Variants in RAPGEF2 observed in about 807,000 individuals in gnomAD.
The protein encoded by RAPGEF2 is PDZ domain containing guanine nucleotide exchange factor (GEF) 1.
Under a neutral mutation model 186.7 loss-of-function variants are expected in RAPGEF2, and 54 were observed. The ratio of observed to expected loss-of-function variants is 0.29; its 90% CI spans 0.23 to 0.36. The LOEUF is 0.36. RAPGEF2 is among the 10% of genes least tolerant of loss of function. RAPGEF2 has a pLI of 1.00. For missense variants in RAPGEF2, 1,532 were observed against 2,045.0 expected, an observed-to-expected ratio of 0.75 and a Z score of 4.84; for synonymous variants, 712 against 705.9, an observed-to-expected ratio of 1.01 and a Z score of -0.14.
chr4:159,177,974 T>G (rs1178250999), intron 1 of RAPGEF2, among the ~76,000 whole-genome samples: 1 of 152,188 alleles, frequency 6.6e-6, no homozygotes, highest in African/African-American at 2.4e-5. Flanking sequence ...AGCAAGATGC[T>G]CCTTTCTCTT....
Position 159,331,955 on chromosome 4 carries a change from A to T in RAPGEF2, c.1809A>T (p.Glu603Asp). 6.2e-7 allele frequency: 1 copy of T among 1,607,984 alleles called. No homozygotes were observed. Among genetic ancestry groups the T allele is most frequent in the Non-Finnish European group, 8.5e-7 (1 of 1,178,390 alleles). ...QILEVNGQNF[E>D]NIQLSKAMEI... is the part of the protein sequence containing the mutation. ...TAGAAGTAAATGGCCAAAACTTTGA[A>T]AACATTCAGCTGTCAAAAGCTATGG... The change falls in exon 16 of 30, where the codon GAA (glutamate) becomes GAT (aspartate). Residue 603 changes from glutamate (E) to aspartate (D), a missense_variant. By Grantham distance (45) the Glu-to-Asp change is conservative. Around this residue, in one of 4 missense-constraint regions of RAPGEF2, gnomAD observed 810 missense variants for 1,210.5 expected, o/e 0.67. Transcript: ENST00000691494.
chr4:159,246,702 A>C (rs1385265208), intron 7 of RAPGEF2, among the ~76,000 whole-genome samples: 1 of 152,108 alleles, frequency 6.6e-6, no homozygotes, highest in African/African-American at 2.4e-5. Flanking sequence ...TTCTGACTTG[A>C]GTTATGTTCT....
At chr4:159,315,854 G>A (rs1309840747) in intron 9 of RAPGEF2, among the ~76,000 whole-genome samples, 1 of 152,190 alleles carries the variant, frequency 6.6e-6, no homozygotes, top group East Asian at 1.9e-4. Context: ...CATGAAGACG[G>A]ACTAGGAGCG....
chr4:159,186,568 G>T, intron 1 of RAPGEF2, 74 bp from the exon 2 acceptor site: 1 of 693,958 alleles, frequency 1.4e-6, no homozygotes, highest in Non-Finnish European at 2.3e-6. Flanking sequence ...TTGGTTTGTA[G>T]ATACAGTGTG....
intron 1 of RAPGEF2, among the ~76,000 whole-genome samples, chr4:159,175,320 T>C (rs2111259309): frequency 6.6e-6 from 1 of 152,242 alleles, no homozygotes; most frequent in Admixed American, 6.5e-5. Context: ...AACCATACAC[T>C]CTGCTATGGA....
chr4:159,347,684 C>T (rs1040663980), intron 25 of RAPGEF2, among the ~76,000 whole-genome samples: 13 of 151,898 alleles, frequency 8.6e-5, no homozygotes, highest in South Asian at 2.1e-4. Flanking sequence ...CTCGGGAGGC[C>T]GAGGCAGGAG....
At chr4:159,112,080 G>T (rs1429240699) in intron 1 of RAPGEF2, among the ~76,000 whole-genome samples, 1 of 152,162 alleles carries the variant, frequency 6.6e-6, no homozygotes, top group African/African-American at 2.4e-5. Context: ...TACAGTATAT[G>T]GCCTTTGGAG....
At chr4:159,284,535 C>T (rs1050648390) in intron 7 of RAPGEF2, among the ~76,000 whole-genome samples, 2 of 130,556 alleles carry the variant, frequency 1.5e-5, no homozygotes, top group Non-Finnish European at 3.3e-5. Flanking sequence ...CACACACACA[C>T]GAATTGTAAA....
At chr4:159,140,894 C>T (rs899763233) in intron 1 of RAPGEF2, among the ~76,000 whole-genome samples, 4 of 151,270 alleles carry the variant, frequency 2.6e-5, no homozygotes, top group South Asian at 4.2e-4. Flanking sequence ...TGTAGTGGCG[C>T]GATCTCAGCT....
intron 9 of RAPGEF2, among the ~76,000 whole-genome samples, chr4:159,321,708 C>T (rs997250067): frequency 2.0e-5 from 3 of 152,238 alleles, no homozygotes; most frequent in Non-Finnish European, 2.9e-5. Context: ...GTGACATCAA[C>T]AGCTAGAACC....
intron 1 of RAPGEF2, among the ~76,000 whole-genome samples, chr4:159,185,166 A>G (rs35961688): frequency 6.6e-6 from 1 of 152,208 alleles, no homozygotes; most frequent in African/African-American, 2.4e-5. Context: ...AGAGACAGTA[A>G]CAAGCTTTGG....
At chr4:159,350,066 T>C in intron 25 of RAPGEF2, 71 bp from the exon 26 acceptor site, 1 of 1,137,934 alleles carries the variant, frequency 8.8e-7, no homozygotes, top group Non-Finnish European at 1.2e-6. Flanking sequence ...CAAAAAAGTT[T>C]TTTATTCATA....
intron 1 of RAPGEF2, among the ~76,000 whole-genome samples, chr4:159,149,023 T>G (rs1482714118): frequency 6.6e-6 from 1 of 152,186 alleles, no homozygotes; most frequent in Admixed American, 6.5e-5. Context: ...GCATCTTGCC[T>G]CTCTAAGGCT....
intron 17 of RAPGEF2, among the ~76,000 whole-genome samples, chr4:159,337,070 A>G (rs1248173205): frequency 1.3e-5 from 2 of 152,198 alleles, no homozygotes; most frequent in African/African-American, 2.4e-5. Context: ...TCATGTTTCA[A>G]GAGTTCACAG....
At chr4:159,277,388 G>A (rs1759055736) in intron 7 of RAPGEF2, among the ~76,000 whole-genome samples, 1 of 152,190 alleles carries the variant, frequency 6.6e-6, no homozygotes, top group African/African-American at 2.4e-5. Context: ...TAACATACGT[G>A]TGCATGTGTC....
rs192628562 is a variant in RAPGEF2 at position 159,277,309 on chromosome 4, A to C, written c.544-27033A>C. ...TGGTGTATATGTGCCACATTTTCTT[A>C]ATCCAGTCTATCATTGATGGACATT... On this transcript the variant is annotated intron_variant, in intron 7 of 29. Transcript: ENST00000691494. Among the ~76,000 whole-genome samples the C allele has an allele frequency of 3.1e-3, 469 of 152,208 alleles. 1 individual carries two copies. The highest frequency in any genetic ancestry group is 0.01 in the African/African-American group (435 of 41,544).
At chr4:159,212,249 C>A (rs75225101) in intron 4 of RAPGEF2, among the ~76,000 whole-genome samples, 2 of 152,142 alleles carry the variant, frequency 1.3e-5, no homozygotes, top group South Asian at 4.1e-4. Flanking sequence ...CTCTTCCACT[C>A]CTTCAGACTC....
chr4:159,294,724 C>T (rs1272855848), intron 7 of RAPGEF2, among the ~76,000 whole-genome samples: 1 of 149,014 alleles, frequency 6.7e-6, no homozygotes, highest in African/African-American at 2.5e-5. Context: ...CCATCCTTTC[C>T]TCTCACTCTG....
intron 1 of RAPGEF2, among the ~76,000 whole-genome samples, chr4:159,175,534 T>G (rs1169527219): frequency 6.6e-6 from 1 of 152,150 alleles, no homozygotes; most frequent in Non-Finnish European, 1.5e-5. Context: ...TTAATAGGAG[T>G]GCTGATGGAC....
Sources: allele counts gnomAD v4.1 joint callset (sites outside exome capture counted in the v4.1 genomes callset), GRCh38; gene constraint gnomAD v4.1.1; regional missense constraint gnomAD v4.1.1; transcripts MANE v1.5; gene names NCBI Gene and HGNC (gene_info 2026-07-23, HGNC 2026-07-21).